SORCS2: variants seen among roughly 807,000 people sequenced by gnomAD.
The protein encoded by SORCS2 is VPS10 domain-containing receptor SorCS2.
SORCS2 carries 100 observed loss-of-function variants against 141.6 expected under a neutral mutation model. That is an observed-to-expected ratio of 0.71 (90% CI 0.60 to 0.83). The LOEUF is 0.83. Ranked by LOEUF, SORCS2 falls within the 40% of genes least tolerant of loss-of-function variation. The pLI is 0.00. For synonymous variants in SORCS2, 789 were observed against 676.9 expected (o/e 1.17, Z -2.57); for missense variants, 1,646 against 1,560.2 (o/e 1.05, Z -0.93).
intron 3 of SORCS2, among the ~76,000 whole-genome samples, chr4:7,603,825 T>C (rs1320520091): frequency 6.6e-6 from 1 of 152,130 alleles, no homozygotes; most frequent in Admixed American, 6.6e-5. Flanking sequence ...CCTGGGAGCA[T>C]TGCTAACATG....
chr4:7,457,548 A>G (rs370870307), intron 2 of SORCS2, among the ~76,000 whole-genome samples: 5 of 150,396 alleles, frequency 3.3e-5, no homozygotes, highest in African/African-American at 7.4e-5. Flanking sequence ...CCCAGTGAAC[A>G]TCACAAAGCT....
intron 2 of SORCS2, among the ~76,000 whole-genome samples, chr4:7,412,442 G>A (rs1725380257): frequency 6.6e-6 from 1 of 152,154 alleles, no homozygotes; most frequent in Non-Finnish European, 1.5e-5. Context: ...CAGAGTGACA[G>A]CCCTGCCCAT....
intron 4 of SORCS2, among the ~76,000 whole-genome samples, chr4:7,652,214 A>T (rs1721488637): frequency 1.3e-5 from 2 of 151,182 alleles, no homozygotes; most frequent in South Asian, 4.2e-4. Context: ...GGCTCCCTCC[A>T]GGACTGTCTC....
chr4:7,350,675 G>A (rs1366475363), intron 1 of SORCS2, among the ~76,000 whole-genome samples: 1 of 152,242 alleles, frequency 6.6e-6, no homozygotes, highest in Non-Finnish European at 1.5e-5. Context: ...GACCAGGCCC[G>A]TGGGAGGCCT....
intron 1 of SORCS2, among the ~76,000 whole-genome samples, chr4:7,318,862 A>C (rs1322419613): frequency 6.6e-6 from 1 of 152,218 alleles, no homozygotes; most frequent in African/African-American, 2.4e-5. Flanking sequence ...CACTCCCCAG[A>C]ATCCCTTGCG....
At chr4:7,428,375 A>G (rs976774536) in intron 2 of SORCS2, among the ~76,000 whole-genome samples, 2 of 152,194 alleles carry the variant, frequency 1.3e-5, no homozygotes, top group African/African-American at 4.8e-5. Flanking sequence ...AGCCTGTTCC[A>G]TGCTGGGCTC....
At chr4:7,706,531 CTGG>C (rs1725474454) in intron 14 of SORCS2, among the ~76,000 whole-genome samples, 2 of 138,608 alleles carry the variant, frequency 1.4e-5, no homozygotes, top group East Asian at 2.3e-4. Flanking sequence ...TGGGCTCTGT[CTGG>C]GCAGGGATGA....
intron 1 of SORCS2, among the ~76,000 whole-genome samples, chr4:7,393,761 C>T (rs965370212): frequency 2.0e-5 from 3 of 152,124 alleles, no homozygotes; most frequent in Non-Finnish European, 4.4e-5. Context: ...TGAATGACGA[C>T]GGCTCCTATG....
At chr4:7,446,497 G>C (rs1168587610) in intron 2 of SORCS2, among the ~76,000 whole-genome samples, 1 of 152,186 alleles carries the variant, frequency 6.6e-6, no homozygotes, top group Non-Finnish European at 1.5e-5. Flanking sequence ...CTGTAGGATC[G>C]TTCCAATCAA....
intron 1 of SORCS2, among the ~76,000 whole-genome samples, chr4:7,259,124 C>T (rs1418652977): frequency 1.3e-5 from 2 of 152,282 alleles, no homozygotes; most frequent in South Asian, 2.1e-4. Flanking sequence ...GAAGCTCTTT[C>T]GTTTAATTAG....
chr4:7,557,265 T>C (rs1486765999), intron 3 of SORCS2, among the ~76,000 whole-genome samples: 5 of 152,094 alleles, frequency 3.3e-5, no homozygotes. Flanking sequence ...CATTACCCAG[T>C]TGGGTGGAGG....
intron 3 of SORCS2, among the ~76,000 whole-genome samples, chr4:7,543,682 A>C (rs1350711647): frequency 1.1e-5 from 1 of 91,688 alleles, no homozygotes; most frequent in South Asian, 6.2e-4. Flanking sequence ...CCATCCACCC[A>C]TCCACCCATC....
At chr4:7,566,346 GTGA>G (rs921746604) in intron 3 of SORCS2, among the ~76,000 whole-genome samples, 3 of 151,998 alleles carry the variant, frequency 2.0e-5, no homozygotes, top group Non-Finnish European at 4.4e-5. Context: ...TGATGATGAG[GTGA>G]TGATGATGAT....
At chr4:7,502,827 C>T (rs1229056501) in intron 2 of SORCS2, among the ~76,000 whole-genome samples, 3 of 152,234 alleles carry the variant, frequency 2.0e-5, no homozygotes, top group South Asian at 2.1e-4. Flanking sequence ...CCCACTTCCA[C>T]GCTGCACACC....
intron 3 of SORCS2, among the ~76,000 whole-genome samples, chr4:7,547,077 A>C (rs1205562131): frequency 1.3e-5 from 2 of 152,082 alleles, no homozygotes; most frequent in Non-Finnish European, 2.9e-5. Context: ...CAACACTGCA[A>C]ATCCACTCAT....
chr4:7,491,385 G>T (rs963403150), intron 2 of SORCS2, among the ~76,000 whole-genome samples: 1 of 152,206 alleles, frequency 6.6e-6, no homozygotes, highest in Non-Finnish European at 1.5e-5. Context: ...CCCCTGTCAT[G>T]GAGTCCCGGT....
At chr4:7,320,966 G>A (rs886362682) in intron 1 of SORCS2, among the ~76,000 whole-genome samples, 1 of 145,270 alleles carries the variant, frequency 6.9e-6, no homozygotes, top group Non-Finnish European at 1.5e-5. Context: ...ATAGCTTTTG[G>A]GGGTATAAGT....
intron 1 of SORCS2, 138 bp from the exon 2 acceptor site, chr4:7,396,150 G>C (rs753835255): frequency 1.4e-6 from 1 of 695,748 alleles, no homozygotes; most frequent in Non-Finnish European, 2.4e-6. Context: ...GCCTCTCAGG[G>C]ATACTGACTA....
At chr4:7,739,846 A>G (rs572941743) in intron 26 of SORCS2, among the ~76,000 whole-genome samples, 2 of 152,140 alleles carry the variant, frequency 1.3e-5, no homozygotes, top group Non-Finnish European at 2.9e-5. Context: ...TACGCCCTGC[A>G]GCGCCCACTG....
Sources: gnomAD v4.1 joint callset for allele counts (sites outside exome capture counted in the v4.1 genomes callset) on GRCh38, gnomAD v4.1.1 for gene constraint, MANE v1.5 for transcripts, NCBI Gene and HGNC (gene_info 2026-07-23, HGNC 2026-07-21) for gene names.